The following PPP4R2 variants were observed in gnomAD, a reference collection of about 807,000 sequenced individuals.
The protein encoded by PPP4R2 is serine/threonine-protein phosphatase 4 regulatory subunit 2.
In PPP4R2, 13 loss-of-function variants were observed where a neutral mutation model predicts 47.2. That is an observed-to-expected ratio of 0.28 (90% CI 0.18 to 0.44). The LOEUF (loss-of-function observed/expected upper bound fraction) is 0.44, where lower values mean the gene tolerates loss of function less well. Ranked by LOEUF, PPP4R2 falls within the 20% of genes least tolerant of loss-of-function variation. The probability of loss-of-function intolerance (pLI) is 1.00; values close to 1 mark genes in which losing one functional copy is unlikely to be tolerated. For synonymous variants in PPP4R2, 151 were observed against 163.3 expected (o/e 0.92, Z 0.57); for missense variants, 421 against 491.2 (o/e 0.86, Z 1.35).
rs965000347 is a variant in PPP4R2 at position 73,053,781 on chromosome 3, C to T, written c.288-5256C>T. ...AAAATTAGCTGGGCGTGGTGGCAGG[C>T]GCCTGTAGTCCCAGCTACTCGGGAG... On this transcript the variant is annotated intron_variant, in intron 3 of 8. Transcript: ENST00000356692. 2.4e-4 allele frequency among the ~76,000 whole-genome samples: 37 copies of T among 151,642 alleles called. 1 individual carries two copies. The highest frequency in any genetic ancestry group is 8.5e-4 in the African/African-American group (35 of 41,352).
intron 2 of PPP4R2, among the ~76,000 whole-genome samples, chr3:73,024,129 TATATAC>T (rs1282985949): frequency 6.6e-6 from 1 of 152,120 alleles, no homozygotes; most frequent in Non-Finnish European, 1.5e-5. Flanking sequence ...AATTCATAAA[TATATAC>T]ATAATAAATT....
At chr3:73,048,368 G>GC (rs1254248479) in intron 3 of PPP4R2, among the ~76,000 whole-genome samples, 3 of 152,092 alleles carry the variant, frequency 2.0e-5, no homozygotes, top group East Asian at 3.9e-4. Context: ...TTCTGCCTCA[G>GC]CCCCCCGGGT....
At chr3:73,039,583 G>T (rs1702335205) in intron 2 of PPP4R2, among the ~76,000 whole-genome samples, 1 of 152,094 alleles carries the variant, frequency 6.6e-6, no homozygotes, top group Non-Finnish European at 1.5e-5. Context: ...TTCTTAACTG[G>T]GGACAATTTT....
rs867583617 is a variant in PPP4R2, at chr3:73,052,102, G to A, written c.287+4746G>A. On this transcript the variant is annotated intron_variant, in intron 3 of 8. Transcript: ENST00000356692. ...AGACAAGTATGGAATGACTAGGTGC[G>A]TGGATGGATAAATGAATGAATGAGT... Among the ~76,000 whole-genome samples the A allele has an allele frequency of 9.9e-5, 15 of 152,174 alleles. 1 individual carries two copies. In the Middle Eastern group the frequency reaches 0.01, roughly 104 times the overall value.
In PPP4R2 at chr3:73,020,237, C is replaced by G. The variant is rs368830090; in HGVS notation, c.116+22079C>G. Among the ~76,000 whole-genome samples, 37 of 152,106 alleles carry G rather than the reference C, an allele frequency of 2.4e-4. 1 individual carries two copies. The highest frequency in any genetic ancestry group is 8.5e-4 in the Admixed American group (13 of 15,266). Reference sequence around the variant, plus strand: ...TTGAGACAGGGTCTTGTTCCATCACCCAGGTTGGAGTGTAGTGGTGGGACA... The same window carrying G: ...TTGAGACAGGGTCTTGTTCCATCACGCAGGTTGGAGTGTAGTGGTGGGACA... On this transcript the variant is annotated intron_variant, in intron 2 of 8. Transcript: ENST00000356692.
intron 2 of PPP4R2, among the ~76,000 whole-genome samples, chr3:73,031,941 C>T (rs1702172095): frequency 6.6e-6 from 1 of 152,188 alleles, no homozygotes; most frequent in East Asian, 1.9e-4. Flanking sequence ...TTAACCCTTA[C>T]AGCAACAGAA....
chr3:73,005,587 G>A (rs939929709), intron 2 of PPP4R2, among the ~76,000 whole-genome samples: 1 of 151,730 alleles, frequency 6.6e-6, no homozygotes, highest in Non-Finnish European at 1.5e-5. Context: ...GGTGGCTCAC[G>A]CCTGTAATCC....
At position 73,065,919 on chromosome 3, in the gene PPP4R2, T is replaced by G. The variant is rs568341546; in HGVS notation, c.*197T>G. 4.0e-4 allele frequency: 147 copies of G among 366,824 alleles called. No individual in the cohort carries two copies. Among genetic ancestry groups the G allele is most frequent in the African/African-American group, 2.8e-3 (135 of 48,020 alleles). 22.7% of individuals were successfully genotyped at this position (366,824 alleles called of 1,614,324 possible). A position where few individuals can be genotyped will look rare whatever the true frequency, so the allele number is the denominator to read the frequency against. On this transcript the variant is annotated 3_prime_UTR_variant, in exon 9 of 9. Transcript: ENST00000356692. Reference sequence around the variant, plus strand: ...CAGCTCCTCTGGGTCCTGCTTACCTTACCGCTGACTTTTCTTTCTTTCTTT... The same window carrying G: ...CAGCTCCTCTGGGTCCTGCTTACCTGACCGCTGACTTTTCTTTCTTTCTTT...
intron 2 of PPP4R2, among the ~76,000 whole-genome samples, chr3:73,002,629 C>CCTTTTTT (rs1701496116): frequency 1.2e-5 from 1 of 83,004 alleles, no homozygotes; most frequent in Non-Finnish European, 2.4e-5. Context: ...CTTTTCTTTT[C>CCTTTTTT]TTTTCTTTTT....
At chr3:72,997,341 C>G (rs140155916) in intron 1 of PPP4R2, 2 of 364,800 alleles carry the variant, frequency 5.5e-6, no homozygotes, top group Non-Finnish European at 9.9e-6. Flanking sequence ...TTCTCCCACC[C>G]GTTCAGGGGA....
Position 73,065,155 on chromosome 3 carries a change from A to G in PPP4R2, c.928+14A>G. On this transcript the variant is annotated intron_variant, in intron 8 of 8. Coordinates refer to ENST00000356692, the MANE Select transcript of PPP4R2 (RefSeq NM_174907.4). ...AGGAAGAAGAAGGTATTTAGAGACC[A>G]TCTGTAAAAGGGTGGAGTAAGGAGA... 2 of 1,586,544 alleles carry G rather than the reference A, an allele frequency of 1.3e-6. No homozygotes were observed. Among genetic ancestry groups the G allele is most frequent in the Non-Finnish European group, 8.6e-7 (1 of 1,168,214 alleles).
chr3:73,008,800 T>A (rs568740590), intron 2 of PPP4R2, among the ~76,000 whole-genome samples: 1 of 152,112 alleles, frequency 6.6e-6, no homozygotes, highest in East Asian at 1.9e-4. Flanking sequence ...AAGAAACGAG[T>A]CTAAAGTACT....
At chr3:72,997,379 T>G in intron 1 of PPP4R2, 1 of 280,286 alleles carries the variant, frequency 3.6e-6, no homozygotes, top group Non-Finnish European at 6.6e-6. Flanking sequence ...GACCCCTCCC[T>G]CCCAGATATC....
intron 2 of PPP4R2, among the ~76,000 whole-genome samples, chr3:73,005,434 G>C (rs530879534): frequency 1.3e-5 from 2 of 151,428 alleles, no homozygotes; most frequent in Non-Finnish European, 2.9e-5. Flanking sequence ...TTTCAAGAAA[G>C]TGAATTGTTG....
chr3:73,030,489 T>C (rs569811809), intron 2 of PPP4R2, among the ~76,000 whole-genome samples: 142 of 152,072 alleles, frequency 9.3e-4, no homozygotes, highest in Non-Finnish European at 1.6e-3. Flanking sequence ...GAGAATGAAA[T>C]AGACTGGGGA....
intron 2 of PPP4R2, among the ~76,000 whole-genome samples, chr3:73,002,643 T>C (rs915576688): frequency 1.2e-5 from 1 of 84,828 alleles, no homozygotes; most frequent in Non-Finnish European, 2.4e-5. Flanking sequence ...TCTTTTTTTT[T>C]TTTTTTTTTT....
At position 72,997,022 on chromosome 3, in the gene PPP4R2, G is replaced by C; in HGVS notation, c.-16G>C. ...CCGCGGAGGGAGGCGGAGGCTGTGA[G>C]GGACTCCGGGAAGCCATGGACGTCG... On this transcript the variant is annotated 5_prime_UTR_variant, in exon 1 of 9. Transcript: ENST00000356692. 1 of 1,392,222 alleles carries C rather than the reference G, an allele frequency of 7.2e-7. No individual in the cohort carries two copies. The highest frequency in any genetic ancestry group is 9.5e-7 in the Non-Finnish European group (1 of 1,056,974). The allele number at this position is 1,392,222 out of a possible 1,614,324, so 86.2% of individuals were successfully genotyped here.
chr3:72,998,093 GA>G lies in PPP4R2; in HGVS notation c.56del (p.Lys19ArgfsTer14). 4 of 1,602,896 alleles carry G rather than the reference GA, an allele frequency of 2.5e-6. No homozygotes were observed. The highest frequency in any genetic ancestry group is 1.1e-5 in the South Asian group (1 of 87,794). ...TTCATCTAGATTTTGAGAAGAGGGG[GA>G]AAAAGGAAGTTTGTCCTGTCCTGGA... is the stretch of plus-strand genomic sequence containing the variant. ...EALKDFEKRG[K>X]KEVCPVLDQF... On this transcript the variant is annotated frameshift_variant, in exon 2 of 9. Transcript: ENST00000356692. LOFTEE classifies it high-confidence loss of function.
rs965808955 is a variant in PPP4R2, at chr3:73,026,771, A to T, written c.117-20415A>T. Among the ~76,000 whole-genome samples, 4 of 152,240 alleles carry T rather than the reference A, an allele frequency of 2.6e-5. No homozygotes were observed. In the East Asian group the frequency reaches 5.8e-4, roughly 22 times the overall value. On this transcript the variant is annotated intron_variant, in intron 2 of 8. Coordinates refer to ENST00000356692, the MANE Select transcript of PPP4R2 (RefSeq NM_174907.4). The stretch of plus-strand genomic sequence containing the variant: ...TAGTGTATTTTATGTGCAGCCTAAG[A>T]CAATTTCTCTTCCAGTGTGACCCAG...
Sources: gnomAD v4.1 joint callset for allele counts (sites outside exome capture counted in the v4.1 genomes callset) on GRCh38, gnomAD v4.1.1 for gene constraint, MANE v1.5 for transcripts, NCBI Gene and HGNC (gene_info 2026-07-23, HGNC 2026-07-21) for gene names.